Variants in ZNF266 observed in about 807,000 individuals in gnomAD.
ZNF266 encodes the protein zinc finger protein 266.
ZNF266 carries 16 observed loss-of-function variants against 16.4 expected under a neutral mutation model. The ratio of observed to expected loss-of-function variants is 0.98; its 90% CI spans 0.66 to 1.48. ZNF266 has a LOEUF of 1.48. Ranked by LOEUF, ZNF266 falls within the 40% of genes most tolerant of loss-of-function variation. The probability of loss-of-function intolerance (pLI) is 0.00; values close to 1 mark genes in which losing one functional copy is unlikely to be tolerated. For missense variants in ZNF266, 738 were observed against 689.1 expected, an observed-to-expected ratio of 1.07 and a Z score of -0.79; for synonymous variants, 262 against 237.9, an observed-to-expected ratio of 1.10 and a Z score of -0.93.
At chr19:9,424,427 G>A (rs546960532) in intron 5 of ZNF266, among the ~76,000 whole-genome samples, 3 of 152,098 alleles carry the variant, frequency 2.0e-5, no homozygotes, top group South Asian at 2.1e-4. Context: ...CAGAGGATTC[G>A]GACTCTGGGC....
Position 9,414,675 on chromosome 19 carries a change from C to T in ZNF266, c.451G>A (p.Gly151Arg), listed in dbSNP as rs1394356736. Reference sequence around the variant, plus strand: ...CATGAGTGTTCACTGGAGACATCTCCACATTGCTTAACATCACTGACCTCC... The same window carrying T: ...CATGAGTGTTCACTGGAGACATCTCTACATTGCTTAACATCACTGACCTCC... ...GGEVSDVKQC[G>R]DVSSEHSCLK... Residue 151 changes from glycine to arginine, a missense_variant, in exon 11 of 11, where the codon GGA (glycine) becomes AGA (arginine). By Grantham distance (125) the Gly-to-Arg change is moderately radical. Coordinates refer to ENST00000592904, the MANE Select transcript of ZNF266 (RefSeq NM_001370374.1). The T allele has an allele frequency of 3.1e-6, 5 of 1,593,318 alleles. No homozygotes were observed. The highest frequency in any genetic ancestry group is 3.4e-6 in the Non-Finnish European group (4 of 1,163,734).
intron 5 of ZNF266, among the ~76,000 whole-genome samples, chr19:9,424,375 A>G (rs986653698): frequency 2.6e-5 from 4 of 152,252 alleles, no homozygotes; most frequent in Non-Finnish European, 1.5e-5. Context: ...TACTCCATAG[A>G]AAAGGTTAAT....
chr19:9,425,228 A>G (rs1377075315), intron 5 of ZNF266, among the ~76,000 whole-genome samples: 1 of 152,196 alleles, frequency 6.6e-6, no homozygotes, highest in African/African-American at 2.4e-5. Flanking sequence ...ATGCACCTTA[A>G]TAACGCAAGG....
At chr19:9,431,412 C>A (rs1368336566) in intron 5 of ZNF266, among the ~76,000 whole-genome samples, 1 of 152,196 alleles carries the variant, frequency 6.6e-6, no homozygotes, top group Non-Finnish European at 1.5e-5. Context: ...ATGACACAGA[C>A]AATGCGCATG....
intron 5 of ZNF266, among the ~76,000 whole-genome samples, chr19:9,428,814 G>A (rs570967204): frequency 1.3e-5 from 2 of 151,468 alleles, no homozygotes; most frequent in Non-Finnish European, 2.9e-5. Flanking sequence ...GGCACAATAC[G>A]AGGCCTTGCC....
intron 10 of ZNF266, 147 bp downstream of exon 10, chr19:9,415,507 G>T: frequency 1.7e-6 from 1 of 600,698 alleles, no homozygotes; most frequent in Non-Finnish European, 2.9e-6. Context: ...AGAACTCCTG[G>T]CCTCAAGTGA....
At chr19:9,434,568 A>C (rs1482816942) in intron 3 of ZNF266, among the ~76,000 whole-genome samples, 1 of 152,238 alleles carries the variant, frequency 6.6e-6, no homozygotes, top group East Asian at 1.9e-4. Flanking sequence ...CTAGTTTTAA[A>C]GAGACTAAAA....
chr19:9,413,967 CAGTGTG>C lies in ZNF266; in HGVS notation c.1153_1158del (p.His385_Thr386del), dbSNP rs774418434. 3 of 1,614,112 alleles carry C rather than the reference CAGTGTG, an allele frequency of 1.9e-6. No individual in the cohort carries two copies. In the South Asian group the frequency reaches 3.3e-5, roughly 18 times the overall value. On this transcript the variant is annotated inframe_deletion, in exon 11 of 11. Transcript: ENST00000592904. ...ATCTTACATTCAAAGGGATCCTTTGCAGTGTGAGTTTTTAAATGTTCAGTAAGTTGA... is the reference window on the plus strand; with the variant it reads ...ATCTTACATTCAAAGGGATCCTTTGCAGTTTTTAAATGTTCAGTAAGTTGA...
At chr19:9,430,006 AC>A (rs1017800224) in intron 5 of ZNF266, among the ~76,000 whole-genome samples, 5 of 108,164 alleles carry the variant, frequency 4.6e-5, no homozygotes, top group Admixed American at 2.0e-4. Context: ...CTCCTACCCC[AC>A]CCCCCCACCC....
chr19:9,413,169 TGA>T lies in ZNF266; in HGVS notation c.*104_*105del. On this transcript the variant is annotated 3_prime_UTR_variant, in exon 11 of 11. Transcript: ENST00000592904. ...GAATTCATATGTGTTCATTAAGACC[TGA>T]GATACAAAGTTGCTTCCACATTTTT... is the stretch of plus-strand genomic sequence containing the variant. The T allele has an allele frequency of 7.3e-7, 1 of 1,365,956 alleles. No individual in the cohort carries two copies. Among genetic ancestry groups the T allele is most frequent in the South Asian group, 1.5e-5 (1 of 68,606 alleles). The allele number at this position is 1,365,956 out of a possible 1,614,324, so 84.6% of individuals were successfully genotyped here. A position where few individuals can be genotyped will look rare whatever the true frequency, so the allele number is the denominator to read the frequency against.
intron 5 of ZNF266, among the ~76,000 whole-genome samples, chr19:9,427,892 G>A (rs2070997677): frequency 6.6e-6 from 1 of 151,974 alleles, no homozygotes; most frequent in Non-Finnish European, 1.5e-5. Context: ...TTTGGGTTCT[G>A]GTGGCAACAT....
chr19:9,426,815 TAACTA>T (rs1246059220), intron 5 of ZNF266, among the ~76,000 whole-genome samples: 1 of 152,124 alleles, frequency 6.6e-6, no homozygotes, highest in Non-Finnish European at 1.5e-5. Context: ...CTTAAAAGGG[TAACTA>T]AATACAGGAG....
chr19:9,418,068 T>C (rs1292770563), intron 8 of ZNF266, among the ~76,000 whole-genome samples, 160 bp from the exon 9 acceptor site: 1 of 152,236 alleles, frequency 6.6e-6, no homozygotes, highest in Non-Finnish European at 1.5e-5. Context: ...AGATTGGTGA[T>C]CTCTGATCCC....
At chr19:9,418,483 C>A (rs1373307754) in intron 8 of ZNF266, 22 bp downstream of exon 8, 2 of 1,613,516 alleles carry the variant, frequency 1.2e-6, no homozygotes, top group Admixed American at 3.3e-5. Flanking sequence ...TAGTAGGCTA[C>A]AAGGGATGAG....
intron 6 of ZNF266, chr19:9,419,541 A>G (rs2069530468): frequency 6.6e-6 from 1 of 152,236 alleles, no homozygotes; most frequent in Non-Finnish European, 1.5e-5. Flanking sequence ...TTTACAGATA[A>G]GGAAAACTTC....
chr19:9,429,416 T>C (rs570904056), intron 5 of ZNF266, among the ~76,000 whole-genome samples: 1 of 152,206 alleles, frequency 6.6e-6, no homozygotes, highest in South Asian at 2.1e-4. Context: ...CTACATATCA[T>C]TCTGTTAACG....
intron 5 of ZNF266, among the ~76,000 whole-genome samples, chr19:9,431,531 T>C (rs1310488138): frequency 6.6e-6 from 1 of 152,204 alleles, no homozygotes; most frequent in Non-Finnish European, 1.5e-5. Context: ...CATCCAAATT[T>C]CCTGTGCATA....
chr19:9,412,961 C>T lies in ZNF266; in HGVS notation c.*314G>A. ...CATCCAGACCATACCATTTAAATTGCAGGGTTTCTCTCCAATGTGAGTTCA... is the reference window on the plus strand; with the variant it reads ...CATCCAGACCATACCATTTAAATTGTAGGGTTTCTCTCCAATGTGAGTTCA... On this transcript the variant is annotated 3_prime_UTR_variant, in exon 11 of 11. Coordinates refer to ENST00000592904, the MANE Select transcript of ZNF266 (RefSeq NM_001370374.1). The T allele has an allele frequency of 3.0e-6, 1 of 333,738 alleles. No individual in the cohort carries two copies. The highest frequency in any genetic ancestry group is 5.4e-6 in the Non-Finnish European group (1 of 183,876). 20.7% of individuals were successfully genotyped at this position (333,738 alleles called of 1,614,324 possible). A position where few individuals can be genotyped will look rare whatever the true frequency, so the allele number is the denominator to read the frequency against.
chr19:9,413,978 T>C lies in ZNF266; in HGVS notation c.1148A>G (p.Lys383Arg). The change falls in exon 11 of 11, where the codon AAA (lysine) becomes AGA (arginine). Residue 383 changes from lysine to arginine, a missense_variant. Coordinates refer to ENST00000592904, the MANE Select transcript of ZNF266 (RefSeq NM_001370374.1). ...AAAGGGATCCTTTGCAGTGTGAGTT[T>C]TTAAATGTTCAGTAAGTTGAGAAGA... ...TRSSQLTEHL[K>R]THTAKDPFEC... 6.2e-7 allele frequency: 1 copy of C among 1,614,216 alleles called. No homozygotes were observed. The highest frequency in any genetic ancestry group is 8.5e-7 in the Non-Finnish European group (1 of 1,180,046).
Sources: allele counts gnomAD v4.1 joint callset (sites outside exome capture counted in the v4.1 genomes callset), GRCh38; gene constraint gnomAD v4.1.1; transcripts MANE v1.5; gene names NCBI Gene and HGNC (gene_info 2026-07-23, HGNC 2026-07-21).